The following SOX6 variants were observed in gnomAD, a reference collection of about 807,000 sequenced individuals.
The protein encoded by SOX6 is SRY-box transcription factor 6, also known as transcription factor SOX-6.
In SOX6, 11 loss-of-function variants were observed where a neutral mutation model predicts 97.8. The observed-to-expected ratio is 0.11, with a 90% CI of 0.07 to 0.19. The LOEUF is 0.19. Ranked by LOEUF, SOX6 falls within the 10% of genes least tolerant of loss-of-function variation. SOX6 has a pLI of 1.00. For synonymous variants in SOX6, 360 were observed against 371.4 expected (o/e 0.97, Z 0.35); for missense variants, 810 against 1,039.5 (o/e 0.78, Z 3.04).
intron 10 of SOX6, among the ~76,000 whole-genome samples, chr11:16,051,742 C>T (rs1481335043): frequency 2.0e-5 from 3 of 152,078 alleles, no homozygotes; most frequent in Non-Finnish European, 4.4e-5. Context: ...TCTAAAAAAT[C>T]TAAATTTAAA....
chr11:16,400,027 G>A (rs771425136), intron 1 of SOX6, among the ~76,000 whole-genome samples: 3 of 151,306 alleles, frequency 2.0e-5, no homozygotes, highest in Non-Finnish European at 4.4e-5. Flanking sequence ...GAAGAATGTC[G>A]AATTTTTAAA....
chr11:16,213,615 T>C (rs1284165068), intron 4 of SOX6, among the ~76,000 whole-genome samples: 1 of 152,206 alleles, frequency 6.6e-6, no homozygotes. Flanking sequence ...CAAAAGCTGA[T>C]ATGCTCCACC....
chr11:16,528,953 C>T (rs1227072278), intron 4 of SOX6, among the ~76,000 whole-genome samples: 1 of 151,984 alleles, frequency 6.6e-6, no homozygotes, highest in East Asian at 1.9e-4. Flanking sequence ...TGGTGGTCTC[C>T]TACCTTATGG....
intron 4 of SOX6, among the ~76,000 whole-genome samples, chr11:16,502,489 GGAGAGAAATGAGAAA>G (rs1860723847): frequency 6.6e-6 from 1 of 151,284 alleles, no homozygotes; most frequent in Non-Finnish European, 1.5e-5. Flanking sequence ...AAACAATTCA[GGAGAGAAATGAGAAA>G]TTTGCCAAAG....
intron 4 of SOX6, among the ~76,000 whole-genome samples, chr11:16,493,938 G>T (rs1860553038): frequency 6.6e-6 from 1 of 152,048 alleles, no homozygotes; most frequent in South Asian, 2.1e-4. Flanking sequence ...ATTTGTACAA[G>T]AACACAAAGA....
intron 4 of SOX6, among the ~76,000 whole-genome samples, chr11:16,558,886 A>G (rs1847777730): frequency 6.6e-6 from 1 of 152,088 alleles, no homozygotes; most frequent in Non-Finnish European, 1.5e-5. Flanking sequence ...CAGTGCTTAC[A>G]TTTGCAATAC....
intron 1 of SOX6, among the ~76,000 whole-genome samples, chr11:16,398,953 G>A (rs1286245504): frequency 6.6e-6 from 1 of 151,036 alleles, no homozygotes; most frequent in Admixed American, 6.6e-5. Context: ...TTTAAGAAAG[G>A]TCAACAAAAA....
intron 6 of SOX6, among the ~76,000 whole-genome samples, chr11:16,159,532 C>T (rs1048750353): frequency 6.6e-6 from 1 of 151,930 alleles, no homozygotes; most frequent in Non-Finnish European, 1.5e-5. Flanking sequence ...AACTTGTGAA[C>T]TGATAGAAAA....
chr11:16,608,369 G>C (rs1012530089), intron 4 of SOX6, among the ~76,000 whole-genome samples: 2 of 152,074 alleles, frequency 1.3e-5, no homozygotes, highest in African/African-American at 4.8e-5. Context: ...CCACAAAAGC[G>C]AGTCACGAGA....
At chr11:16,167,309 C>T (rs1376043562) in intron 6 of SOX6, among the ~76,000 whole-genome samples, 1 of 152,132 alleles carries the variant, frequency 6.6e-6, no homozygotes, top group Non-Finnish European at 1.5e-5. Context: ...TGGCTTTGCT[C>T]TTACAATATA....
chr11:16,115,688 C>T (rs1197832689), intron 6 of SOX6, among the ~76,000 whole-genome samples: 1 of 152,094 alleles, frequency 6.6e-6, no homozygotes, highest in Admixed American at 6.6e-5. Flanking sequence ...GATCCAGAGT[C>T]CAGAACAGCT....
chr11:16,125,851 G>C, intron 6 of SOX6, among the ~76,000 whole-genome samples: 1 of 151,092 alleles, frequency 6.6e-6, no homozygotes, highest in Non-Finnish European at 1.5e-5. Context: ...AGGAAGGAAG[G>C]AAGGAAGGAA....
intron 3 of SOX6, among the ~76,000 whole-genome samples, chr11:16,280,195 A>G (rs1854514704): frequency 6.6e-6 from 1 of 152,060 alleles, no homozygotes; most frequent in Non-Finnish European, 1.5e-5. Context: ...TTTTGTCGAA[A>G]ATGCAGATAC....
chr11:16,234,488 T>A (rs1257595944), intron 4 of SOX6, 94 bp downstream of exon 4: 2 of 733,874 alleles, frequency 2.7e-6, no homozygotes, highest in Non-Finnish European at 4.7e-6. Flanking sequence ...CATGTAAGAT[T>A]TACTGTTACA....
chr11:16,674,358 G>A (rs1392427701), intron 3 of SOX6, among the ~76,000 whole-genome samples: 1 of 152,094 alleles, frequency 6.6e-6, no homozygotes, highest in African/African-American at 2.4e-5. Flanking sequence ...ATCCCTTCAG[G>A]CTGAAACCTC....
At chr11:15,986,094 C>T in intron 15 of SOX6, 110 bp downstream of exon 15, 3 of 1,038,848 alleles carry the variant, frequency 2.9e-6, no homozygotes, top group Non-Finnish European at 4.5e-6. Flanking sequence ...CTTCAGTATG[C>T]CACAACCTCC....
At chr11:16,191,372 C>T (rs555611541) in intron 4 of SOX6, among the ~76,000 whole-genome samples, 1 of 152,096 alleles carries the variant, frequency 6.6e-6, no homozygotes, top group South Asian at 2.1e-4. Context: ...GAGGCAGGAG[C>T]ATTACTCGAG....
chr11:16,595,160 C>T (rs572626112), intron 4 of SOX6, among the ~76,000 whole-genome samples: 1 of 152,076 alleles, frequency 6.6e-6, no homozygotes, highest in South Asian at 2.1e-4. Context: ...AATTTCAGAA[C>T]CTTTCTTTTT....
At chr11:16,631,062 TG>T (rs1271213757) in intron 3 of SOX6, among the ~76,000 whole-genome samples, 1 of 152,058 alleles carries the variant, frequency 6.6e-6, no homozygotes, top group Non-Finnish European at 1.5e-5. Flanking sequence ...GCCTTTTAAG[TG>T]GGGGGTTTAA....
Sources: gnomAD v4.1 joint callset for allele counts (sites outside exome capture counted in the v4.1 genomes callset) on GRCh38, gnomAD v4.1.1 for gene constraint, MANE v1.5 for transcripts, NCBI Gene and HGNC (gene_info 2026-07-23, HGNC 2026-07-21) for gene names.